TMCC1: variants seen among roughly 807,000 people sequenced by gnomAD.
The protein encoded by TMCC1 is transmembrane and coiled-coil domains protein 1.
Under a neutral mutation model 52.4 loss-of-function variants are expected in TMCC1, and 15 were observed. The observed-to-expected ratio is 0.29, with a 90% confidence interval of 0.19 to 0.44. The LOEUF is 0.44. TMCC1 is among the 20% of genes least tolerant of loss of function. The pLI is 1.00. For missense variants in TMCC1, 503 were observed against 806.0 expected (o/e 0.62, Z 4.55); for synonymous variants, 279 against 301.9 (o/e 0.92, Z 0.79).
chr3:129,817,295 A>G (rs902506420), intron 4 of TMCC1, among the ~76,000 whole-genome samples: 4 of 152,192 alleles, frequency 2.6e-5, no homozygotes, highest in African/African-American at 9.6e-5. Flanking sequence ...TTTCACCCAT[A>G]AGAGTCGGCC....
chr3:129,673,090 C>T (rs528233552), intron 4 of TMCC1, among the ~76,000 whole-genome samples: 8 of 152,150 alleles, frequency 5.3e-5, no homozygotes, highest in African/African-American at 1.2e-4. Context: ...GACAAAATAA[C>T]GTTATGCACC....
At position 129,772,239 on chromosome 3, in the gene TMCC1, TC is replaced by T. The variant is rs1576782657; in HGVS notation, c.576+55563del. Among the ~76,000 whole-genome samples the T allele has an allele frequency of 3.9e-5, 6 of 152,170 alleles. No homozygotes were observed. In the East Asian group the frequency reaches 1.2e-3, roughly 29 times the overall value. On this transcript the variant is annotated intron_variant, in intron 4 of 6. Coordinates refer to ENST00000393238, the MANE Select transcript of TMCC1 (RefSeq NM_001017395.5). ...TGAGCATGGTAGTGGATGCCTGTGG[TC>T]CCAGGCTGAGGTGGGAGGATTGCTT...
Position 129,651,380 on chromosome 3 carries a change from C to CT in TMCC1, c.*100dup. On this transcript the variant is annotated 3_prime_UTR_variant, in exon 7 of 7. Transcript: ENST00000393238. This position sits in a 1 kb window ranked among gnomAD's most constrained non-coding sequence, Gnocchi z 5.1. ...TAAATGTAAACAGATTCACTCAACT[C>CT]TTTTTTTGTTGTAGAAAACTTCAGA... 1.6e-6 allele frequency: 2 copies of CT among 1,275,404 alleles called. No homozygotes were observed. The highest frequency in any genetic ancestry group is 1.1e-6 in the Non-Finnish European group (1 of 921,902). 79.0% of individuals were successfully genotyped at this position (1,275,404 alleles called of 1,614,324 possible).
intron 2 of TMCC1, among the ~76,000 whole-genome samples, chr3:129,842,341 C>T (rs1331765352): frequency 6.6e-6 from 1 of 152,112 alleles, no homozygotes; most frequent in Non-Finnish European, 1.5e-5. Flanking sequence ...TGACATGCAC[C>T]TGTAGTCCCA....
chr3:129,790,449 T>C (rs549398806), intron 4 of TMCC1, among the ~76,000 whole-genome samples: 1 of 152,312 alleles, frequency 6.6e-6, no homozygotes, highest in African/African-American at 2.4e-5. Context: ...GAGATTTCAG[T>C]TATGTAATTT....
chr3:129,844,834 T>TA (rs1222756201), intron 2 of TMCC1, among the ~76,000 whole-genome samples: 8 of 152,210 alleles, frequency 5.3e-5, no homozygotes, highest in Non-Finnish European at 1.0e-4. Flanking sequence ...ACCCAAAAAT[T>TA]AGACTCCTTT....
intron 4 of TMCC1, among the ~76,000 whole-genome samples, chr3:129,716,751 C>T (rs912251129): frequency 7.2e-5 from 11 of 152,098 alleles, no homozygotes; most frequent in African/African-American, 1.7e-4. Flanking sequence ...TTCTCCACTG[C>T]GTGCCATTCA....
At chr3:129,859,904 T>C (rs1338295426) in intron 2 of TMCC1, among the ~76,000 whole-genome samples, 1 of 152,148 alleles carries the variant, frequency 6.6e-6, no homozygotes, top group Non-Finnish European at 1.5e-5. Context: ...CATACCATAA[T>C]CCAGCCTCCA....
chr3:129,709,074 A>C (rs541845944), intron 4 of TMCC1, among the ~76,000 whole-genome samples: 1 of 152,310 alleles, frequency 6.6e-6, no homozygotes, highest in South Asian at 2.1e-4. Context: ...CAAATAATTA[A>C]GAGTACTCAG....
intron 4 of TMCC1, among the ~76,000 whole-genome samples, chr3:129,822,837 T>C (rs2058483677): frequency 6.6e-6 from 1 of 152,180 alleles, no homozygotes. Context: ...ATGAGTCTGG[T>C]AGTCACTTGG....
At chr3:129,860,604 A>AT (rs1318747657) in intron 2 of TMCC1, among the ~76,000 whole-genome samples, 2,936 of 145,926 alleles carry the variant, frequency 0.02, 41 homozygotes, top group African/African-American at 0.021. Context: ...ACACATTATT[A>AT]TTTTTTTTTT....
intron 4 of TMCC1, among the ~76,000 whole-genome samples, chr3:129,708,360 G>C (rs796128212): frequency 6.6e-6 from 1 of 152,156 alleles, no homozygotes; most frequent in Non-Finnish European, 1.5e-5. Flanking sequence ...AATGTAACAA[G>C]AGCTTTGTCT....
intron 4 of TMCC1, 170 bp downstream of exon 4, chr3:129,827,633 T>C: frequency 1.4e-6 from 1 of 700,174 alleles, no homozygotes; most frequent in Non-Finnish European, 2.4e-6. Context: ...TTCTAAGCAT[T>C]CATTCATTAG....
At chr3:129,812,490 C>T (rs1448982122) in intron 4 of TMCC1, among the ~76,000 whole-genome samples, 1 of 151,970 alleles carries the variant, frequency 6.6e-6, no homozygotes, top group African/African-American at 2.4e-5. Flanking sequence ...ATCTCTGGTA[C>T]TGAGATTTCA....
intron 4 of TMCC1, among the ~76,000 whole-genome samples, chr3:129,729,953 A>G (rs2050412367): frequency 6.6e-6 from 1 of 152,190 alleles, no homozygotes; most frequent in South Asian, 2.1e-4. Context: ...CCAACGAGTG[A>G]GACCTTGTCT....
At chr3:129,787,541 G>A (rs147877408) in intron 4 of TMCC1, among the ~76,000 whole-genome samples, 127 of 152,194 alleles carry the variant, frequency 8.3e-4, no homozygotes, top group African/African-American at 2.7e-3. Context: ...TAACCTCAGG[G>A]TGTCCAAGAG....
chr3:129,775,062 A>G (rs560558550), intron 4 of TMCC1, among the ~76,000 whole-genome samples: 4 of 152,284 alleles, frequency 2.6e-5, no homozygotes, highest in Admixed American at 2.0e-4. Flanking sequence ...GACAGAGACA[A>G]GAGTACTCAC....
At chr3:129,841,503 G>C (rs912909866) in intron 2 of TMCC1, among the ~76,000 whole-genome samples, 6 of 152,142 alleles carry the variant, frequency 3.9e-5, no homozygotes, top group African/African-American at 1.4e-4. Flanking sequence ...AGAATCACTT[G>C]AACTGGGAGG....
intron 1 of TMCC1, among the ~76,000 whole-genome samples, chr3:129,890,677 T>C (rs994879049): frequency 4.6e-5 from 7 of 152,180 alleles, no homozygotes; most frequent in Non-Finnish European, 8.8e-5. Context: ...CAGATACCTA[T>C]ATAACAATTT....
Sources: allele counts gnomAD v4.1 joint callset (sites outside exome capture counted in the v4.1 genomes callset), GRCh38; gene constraint gnomAD v4.1.1; non-coding constraint Gnocchi (gnomAD v3.1); transcripts MANE v1.5; gene names NCBI Gene and HGNC (gene_info 2026-07-23, HGNC 2026-07-21).